SUGCT: variants seen among roughly 807,000 people sequenced by gnomAD.
SUGCT encodes the protein succinyl-CoA:glutarate-CoA transferase, also known as succinyl-CoA:glutarate CoA-transferase.
In SUGCT, 41 loss-of-function variants were observed where a neutral mutation model predicts 55.0. The observed-to-expected ratio is 0.74, with a 90% CI of 0.58 to 0.97. The LOEUF (loss-of-function observed/expected upper bound fraction) is 0.97, where lower values mean the gene tolerates loss of function less well. Among genes scored for constraint, SUGCT ranks in the 50% least tolerant of loss-of-function variants. The probability of loss-of-function intolerance (pLI) is 0.00; values close to 1 mark genes in which losing one functional copy is unlikely to be tolerated. For synonymous variants in SUGCT, 187 were observed against 200.4 expected (o/e 0.93, Z 0.56); for missense variants, 568 against 547.8 (o/e 1.04, Z -0.37).
chr7:40,366,267 G>C (rs1320175747), intron 9 of SUGCT, among the ~76,000 whole-genome samples: 1 of 152,102 alleles, frequency 6.6e-6, no homozygotes. Context: ...ATTAATTCAA[G>C]ATGGATTAAA....
chr7:40,699,955 G>T (rs1260931894), intron 12 of SUGCT, among the ~76,000 whole-genome samples: 1 of 152,098 alleles, frequency 6.6e-6, no homozygotes, highest in Non-Finnish European at 1.5e-5. Context: ...CAGGCTATTT[G>T]GTTTAACCCT....
the SUGCT span, among the ~76,000 whole-genome samples, chr7:41,013,936 T>C: frequency 6.6e-6 from 1 of 152,284 alleles, no homozygotes; most frequent in South Asian, 2.1e-4. Context: ...AATTCAAAGA[T>C]AAACCAAAAC....
At chr7:40,919,503 G>A in the SUGCT span, among the ~76,000 whole-genome samples, 1 of 152,152 alleles carries the variant, frequency 6.6e-6, no homozygotes, top group Non-Finnish European at 1.5e-5. Flanking sequence ...CCTGTATACA[G>A]AAGTGTTGTA....
chr7:40,493,295 A>C (rs1037049733), intron 11 of SUGCT, among the ~76,000 whole-genome samples: 1 of 152,204 alleles, frequency 6.6e-6, no homozygotes, highest in Non-Finnish European at 1.5e-5. Flanking sequence ...GTGAAGATAA[A>C]ATTGACAAAA....
the SUGCT span, among the ~76,000 whole-genome samples, chr7:40,997,951 C>A: frequency 6.6e-6 from 1 of 152,250 alleles, no homozygotes; most frequent in African/African-American, 2.4e-5. Context: ...AAGCAACCTG[C>A]TCAATGCTCA....
At chr7:40,326,105 C>A (rs919847873) in intron 9 of SUGCT, among the ~76,000 whole-genome samples, 1 of 151,986 alleles carries the variant, frequency 6.6e-6, no homozygotes, top group African/African-American at 2.4e-5. Flanking sequence ...TCAAATGACT[C>A]TTGACAAACC....
At chr7:40,535,700 T>C (rs1220161440) in intron 12 of SUGCT, among the ~76,000 whole-genome samples, 1 of 152,204 alleles carries the variant, frequency 6.6e-6, no homozygotes, top group African/African-American at 2.4e-5. Context: ...AATGAAATCA[T>C]GTTCTTTGAA....
At chr7:40,299,101 A>T (rs774022147) in intron 8 of SUGCT, among the ~76,000 whole-genome samples, 11 of 152,138 alleles carry the variant, frequency 7.2e-5, no homozygotes, top group Non-Finnish European at 1.5e-4. Context: ...AAGCACAGTG[A>T]CTTGATTTTT....
chr7:40,885,360 G>A, the SUGCT span, among the ~76,000 whole-genome samples: 2 of 152,038 alleles, frequency 1.3e-5, no homozygotes, highest in African/African-American at 4.8e-5. Context: ...TCTTTTAATG[G>A]AGCCAGATTT....
chr7:40,754,834 A>C (rs1330365986), intron 13 of SUGCT, among the ~76,000 whole-genome samples: 1 of 152,164 alleles, frequency 6.6e-6, no homozygotes, highest in African/African-American at 2.4e-5. Flanking sequence ...GACCTATTTA[A>C]ATTTGTGTAC....
intron 13 of SUGCT, among the ~76,000 whole-genome samples, chr7:40,791,878 G>A (rs749871603): frequency 7.9e-5 from 12 of 152,108 alleles, no homozygotes; most frequent in Non-Finnish European, 1.8e-4. Flanking sequence ...GAATTAATCA[G>A]GAATACTACA....
At chr7:40,140,710 T>G (rs1787937790) in intron 1 of SUGCT, among the ~76,000 whole-genome samples, 1 of 152,120 alleles carries the variant, frequency 6.6e-6, no homozygotes, top group Admixed American at 6.6e-5. Context: ...TATGTGTCTG[T>G]TTTTATAGAC....
At chr7:40,848,520 A>G (rs1181714458) in intron 13 of SUGCT, among the ~76,000 whole-genome samples, 1 of 152,180 alleles carries the variant, frequency 6.6e-6, no homozygotes, top group Non-Finnish European at 1.5e-5. Context: ...GAAACTGGAA[A>G]TTTGGTGGAT....
At chr7:41,023,750 G>T in the SUGCT span, among the ~76,000 whole-genome samples, 1 of 151,364 alleles carries the variant, frequency 6.6e-6, no homozygotes, top group Non-Finnish European at 1.5e-5. Flanking sequence ...TCTGGGAAGG[G>T]ATTTTTTTTT....
chr7:40,731,886 A>G (rs1786904896), intron 12 of SUGCT, among the ~76,000 whole-genome samples: 1 of 152,172 alleles, frequency 6.6e-6, no homozygotes, highest in Admixed American at 6.5e-5. Flanking sequence ...GTAGCAAGTC[A>G]GTCTCTTTTG....
At chr7:40,433,143 G>A (rs1358606271) in intron 9 of SUGCT, among the ~76,000 whole-genome samples, 3 of 152,008 alleles carry the variant, frequency 2.0e-5, no homozygotes, top group Non-Finnish European at 4.4e-5. Flanking sequence ...GGTCCAAAAT[G>A]TCTGGTTCTT....
At chr7:40,463,838 A>T (rs192161601) in intron 11 of SUGCT, among the ~76,000 whole-genome samples, 11 of 152,324 alleles carry the variant, frequency 7.2e-5, no homozygotes, top group African/African-American at 2.6e-4. Context: ...AGCTGCTAAC[A>T]TTGAAAACTA....
At chr7:40,194,890 G>A (rs755915018) in intron 5 of SUGCT, 50 bp from the exon 6 acceptor site, 14 of 1,576,456 alleles carry the variant, frequency 8.9e-6, no homozygotes, top group East Asian at 2.3e-5. Context: ...ATTCTATCAT[G>A]TGGGGATTTG....
At chr7:40,139,425 G>A (rs1289813569) in intron 1 of SUGCT, among the ~76,000 whole-genome samples, 2 of 152,106 alleles carry the variant, frequency 1.3e-5, no homozygotes, top group Non-Finnish European at 2.9e-5. Context: ...CTCAAACTCC[G>A]GACCTCAGCT....
Sources: allele counts gnomAD v4.1 joint callset (sites outside exome capture counted in the v4.1 genomes callset), GRCh38; gene constraint gnomAD v4.1.1; transcripts MANE v1.5; gene names NCBI Gene and HGNC (gene_info 2026-07-23, HGNC 2026-07-21).